The following GLI3 variants were observed in gnomAD, a reference collection of about 807,000 sequenced individuals.
GLI3 encodes transcription activator GLI3.
A neutral mutation model predicts 100.8 loss-of-function variants in GLI3; 20 were observed. The observed-to-expected ratio is 0.20, with a 90% CI of 0.14 to 0.29. The LOEUF is 0.29. Among genes scored for constraint, GLI3 ranks in the 10% least tolerant of loss-of-function variants. GLI3 has a pLI of 1.00. For synonymous variants in GLI3, 938 were observed against 860.5 expected (o/e 1.09, Z -1.58); for missense variants, 2,040 against 2,128.5 (o/e 0.96, Z 0.82).
At position 42,223,181 on chromosome 7, in the gene GLI3, T is replaced by G. The variant is rs1453190319; in HGVS notation, c.73A>C (p.Thr25Pro). The change falls in exon 2 of 15, where the codon ACT becomes CCT. Residue 25 changes from threonine to proline, a missense_variant. Around this residue, in one of 5 missense-constraint regions of GLI3, gnomAD observed 603 missense variants for 690.9 expected, o/e 0.87. Transcript: ENST00000395925. ...KVENSIVKCS[T>P]RTDVSEKAVA... ...GCTTTCTCGCTCACATCTGTTCGAG[T>G]GGAGCACTTCACTATGGAATTCTCA... 1 of 1,613,662 alleles carries G rather than the reference T, an allele frequency of 6.2e-7. No individual in the cohort carries two copies. Among genetic ancestry groups the G allele is most frequent in the African/African-American group, 1.3e-5 (1 of 74,860 alleles).
At chr7:42,073,862 C>A (rs1490322640) in intron 4 of GLI3, among the ~76,000 whole-genome samples, 2 of 152,182 alleles carry the variant, frequency 1.3e-5, no homozygotes, top group Non-Finnish European at 2.9e-5. Flanking sequence ...TTCTATAAGA[C>A]AATTATATAG....
chr7:42,076,110 C>T (rs1784874387), intron 4 of GLI3, among the ~76,000 whole-genome samples: 1 of 152,188 alleles, frequency 6.6e-6, no homozygotes, highest in Admixed American at 6.5e-5. Context: ...CAAAAAAATA[C>T]TGTTTTACTT....
intron 3 of GLI3, among the ~76,000 whole-genome samples, chr7:42,085,144 A>G (rs1785077402): frequency 6.6e-6 from 1 of 151,848 alleles, no homozygotes; most frequent in African/African-American, 2.4e-5. Flanking sequence ...ATGGTTATGA[A>G]ATGAAAGCAG....
At chr7:42,086,124 T>C (rs1055116118) in intron 3 of GLI3, among the ~76,000 whole-genome samples, 2 of 152,160 alleles carry the variant, frequency 1.3e-5, no homozygotes, top group African/African-American at 4.8e-5. Flanking sequence ...AAAACAATCT[T>C]GATGAGCACA....
chr7:42,228,004 G>A (rs980790249), intron 1 of GLI3, among the ~76,000 whole-genome samples: 2 of 152,186 alleles, frequency 1.3e-5, no homozygotes, highest in African/African-American at 2.4e-5. Flanking sequence ...TTCCTCCGAC[G>A]GTGGCAAGGG....
intron 1 of GLI3, among the ~76,000 whole-genome samples, chr7:42,231,612 C>A (rs933570275): frequency 6.6e-6 from 1 of 152,198 alleles, no homozygotes; most frequent in African/African-American, 2.4e-5. Flanking sequence ...ACACGTCTGG[C>A]CACTGGATTC....
intron 3 of GLI3, among the ~76,000 whole-genome samples, chr7:42,107,557 G>A (rs1785604771): frequency 6.6e-6 from 1 of 152,200 alleles, no homozygotes; most frequent in Non-Finnish European, 1.5e-5. Flanking sequence ...GAATGGCACT[G>A]AGGGCAGGCG....
chr7:41,996,746 G>A (rs846272), intron 10 of GLI3, among the ~76,000 whole-genome samples: 72,072 of 152,006 alleles, frequency 0.47, 19,177 homozygotes, highest in African/African-American at 0.74. Context: ...AATGCAGCTT[G>A]CTTTTCAGCC....
In GLI3 at chr7:41,964,173, C is replaced by G. The variant is rs1787090218; in HGVS notation, c.*157G>C. ...GAATACTTTAGGGTTTTTCAGAGTC[C>G]TTTTCCATAAAAGGAATATAATTGA... On this transcript the variant is annotated 3_prime_UTR_variant, in exon 15 of 15. Transcript: ENST00000395925. 1 of 633,866 alleles carries G rather than the reference C, an allele frequency of 1.6e-6. No individual in the cohort carries two copies. Among genetic ancestry groups the G allele is most frequent in the African/African-American group, 1.8e-5 (1 of 54,202 alleles). The allele number at this position is 633,866 out of a possible 1,614,324, so 39.3% of individuals were successfully genotyped here.
chr7:42,156,539 T>C (rs1431331492), intron 2 of GLI3, among the ~76,000 whole-genome samples: 1 of 152,202 alleles, frequency 6.6e-6, no homozygotes, highest in African/African-American at 2.4e-5. Context: ...ACTTTGCACA[T>C]ACAGACCTGA....
intron 1 of GLI3, among the ~76,000 whole-genome samples, chr7:42,251,816 C>T (rs527392158): frequency 1.3e-5 from 2 of 152,096 alleles, no homozygotes; most frequent in South Asian, 4.2e-4. Flanking sequence ...GGCTCCAGAG[C>T]CTCCACTCTT....
At chr7:42,113,727 G>A in intron 3 of GLI3, 1 of 629,828 alleles carries the variant, frequency 1.6e-6, no homozygotes, top group South Asian at 1.7e-5. Flanking sequence ...TTTACTTTAA[G>A]CTATGTTGTT....
At chr7:42,250,395 T>G (rs1054515921) in intron 1 of GLI3, among the ~76,000 whole-genome samples, 1 of 152,210 alleles carries the variant, frequency 6.6e-6, no homozygotes, top group Admixed American at 6.5e-5. Context: ...AGAAGAGAAC[T>G]TTGACCAACT....
rs1310129763 is a variant in GLI3, at chr7:41,965,800, G to A, written c.3273C>T (p.Phe1091=). ...AATACTGCACCACGTCGTCCGGCAG[G>A]AAATCCTCATCGTTCAGGTTGGCAT... ...DADANLNDED[F]LPDDVVQYLN... is the part of the protein sequence containing the mutation. The change falls in exon 15 of 15, where the codon TTC becomes TTT. Residue 1091 remains phenylalanine, a synonymous_variant. Coordinates refer to ENST00000395925, the MANE Select transcript of GLI3 (RefSeq NM_000168.6). 3 of 1,613,486 alleles carry A rather than the reference G, an allele frequency of 1.9e-6. No homozygotes were observed. The highest frequency in any genetic ancestry group is 2.5e-6 in the Non-Finnish European group (3 of 1,179,982).
chr7:42,117,953 T>C (rs1314078779), intron 3 of GLI3, among the ~76,000 whole-genome samples: 1 of 152,212 alleles, frequency 6.6e-6, no homozygotes, highest in East Asian at 1.9e-4. Context: ...AAATGTCCAC[T>C]CTGACGGTAA....
At chr7:42,030,128 C>A (rs181695928) in intron 7 of GLI3, among the ~76,000 whole-genome samples, 42 of 152,292 alleles carry the variant, frequency 2.8e-4, no homozygotes, top group Non-Finnish European at 3.2e-4. Flanking sequence ...AGGCTCCCTG[C>A]CTGTTCCATT....
At chr7:42,055,040 C>CAT (rs1232968534) in intron 4 of GLI3, among the ~76,000 whole-genome samples, 19 of 132,562 alleles carry the variant, frequency 1.4e-4, no homozygotes, top group Non-Finnish European at 2.0e-4. Flanking sequence ...TATATGTATA[C>CAT]ATATATATAT....
intron 2 of GLI3, among the ~76,000 whole-genome samples, chr7:42,154,785 G>C (rs1261601368): frequency 6.6e-6 from 1 of 152,124 alleles, no homozygotes; most frequent in African/African-American, 2.4e-5. Context: ...CAAAGCCAGG[G>C]GCTGCTCCCT....
intron 10 of GLI3, among the ~76,000 whole-genome samples, chr7:41,980,193 G>C (rs904304694): frequency 3.9e-5 from 6 of 152,202 alleles, no homozygotes; most frequent in African/African-American, 1.4e-4. Context: ...AAATGACACA[G>C]AAACTGCAGT....
Sources: allele counts gnomAD v4.1 joint callset (sites outside exome capture counted in the v4.1 genomes callset), GRCh38; gene constraint gnomAD v4.1.1; regional missense constraint gnomAD v4.1.1; transcripts MANE v1.5; gene names NCBI Gene and HGNC (gene_info 2026-07-23, HGNC 2026-07-21).